Variants in CCT2 observed in about 807,000 individuals in gnomAD.
CCT2 encodes the protein T-complex protein 1 subunit beta.
CCT2 carries 18 observed loss-of-function variants against 61.8 expected under a neutral mutation model. The observed-to-expected ratio is 0.29, with a 90% confidence interval of 0.20 to 0.43. The LOEUF (loss-of-function observed/expected upper bound fraction) is 0.43, where lower values mean the gene tolerates loss of function less well. Among genes scored for constraint, CCT2 ranks in the 20% least tolerant of loss-of-function variants. The pLI, the probability that CCT2 is intolerant of heterozygous loss-of-function variation, is 1.00. For missense variants in CCT2, 556 were observed against 656.9 expected, an observed-to-expected ratio of 0.85 and a Z score of 1.68; for synonymous variants, 248 against 215.9, an observed-to-expected ratio of 1.15 and a Z score of -1.30.
chr12:69,589,696 G>C lies in CCT2; in HGVS notation c.649+9G>C, dbSNP rs1407250640. The stretch of plus-strand genomic sequence containing the variant: ...TTCCTATTTAGATGAAGGTATGTAT[G>C]AATGTCAGATACAAGAAGCTTTGAT... On this transcript the variant is annotated intron_variant, in intron 7 of 15. Coordinates refer to ENST00000299300, the MANE Select transcript of CCT2 (RefSeq NM_006431.3). 2 of 1,601,742 alleles carry C rather than the reference G, an allele frequency of 1.2e-6. No individual in the cohort carries two copies. Among genetic ancestry groups the C allele is most frequent in the African/African-American group, 2.7e-5 (2 of 74,706 alleles).
chr12:69,588,091 A>G, intron 5 of CCT2, 59 bp from the exon 6 acceptor site: 1 of 1,531,216 alleles, frequency 6.5e-7, no homozygotes, highest in Non-Finnish European at 9.0e-7. Flanking sequence ...TGTCTTTACT[A>G]TTGAGGAGTG....
chr12:69,590,093 T>C (rs1438305526), intron 7 of CCT2, among the ~76,000 whole-genome samples: 1 of 152,256 alleles, frequency 6.6e-6, no homozygotes, highest in African/African-American at 2.4e-5. Flanking sequence ...GTTTGAATTA[T>C]GTAGGTTCAC....
chr12:69,591,862 C>T (rs922591374), intron 7 of CCT2, among the ~76,000 whole-genome samples, 197 bp from the exon 8 acceptor site: 1 of 148,624 alleles, frequency 6.7e-6, no homozygotes, highest in Non-Finnish European at 1.5e-5. Flanking sequence ...CTTTCAGGCG[C>T]TAAAAGCCTA....
chr12:69,586,416 CCAGT>C, intron 2 of CCT2, 72 bp downstream of exon 2: 1 of 1,113,044 alleles, frequency 9.0e-7, no homozygotes, highest in Non-Finnish European at 1.4e-6. Flanking sequence ...TCCTGTAATC[CCAGT>C]ACTTTGGGAG....
intron 6 of CCT2, 72 bp downstream of exon 6, chr12:69,588,334 A>G (rs1247043970): frequency 7.3e-6 from 8 of 1,095,216 alleles, no homozygotes; most frequent in Middle Eastern, 2.0e-4. Context: ...CAAGAAATCT[A>G]TAGGACACTG....
rs1276593679 is a variant in CCT2 at position 69,589,524 on chromosome 12, T to C, written c.486T>C (p.Ile162=). ...EVKFRQDLMN[I]AGTTLSSKLL... ...AATTCCGTCAAGATTTAATGAATAT[T>C]GCGGGCACAACATTATCCTCAAAAC... The change falls in exon 7 of 16, where the codon ATT becomes ATC. Residue 162 remains isoleucine (I), a synonymous_variant. Transcript: ENST00000299300. 4 of 1,614,172 alleles carry C rather than the reference T, an allele frequency of 2.5e-6. No homozygotes were observed. The highest frequency in any genetic ancestry group is 2.2e-5 in the East Asian group (1 of 44,878).
chr12:69,585,502 G>C lies in CCT2; in HGVS notation c.-20G>C, dbSNP rs1234717017. 2 of 1,565,388 alleles carry C rather than the reference G, an allele frequency of 1.3e-6. No homozygotes were observed. Among genetic ancestry groups the C allele is most frequent in the Admixed American group, 1.9e-5 (1 of 52,832 alleles). ...ACGAGCTGTGAGGGGATTCACTTGT[G>C]TGCGGAACTCCTCGGAACCATGGTG... On this transcript the variant is annotated 5_prime_UTR_variant, in exon 1 of 16. Transcript: ENST00000299300.
chr12:69,586,614 G>A, intron 2 of CCT2, 139 bp from the exon 3 acceptor site: 1 of 695,826 alleles, frequency 1.4e-6, no homozygotes, highest in Non-Finnish European at 2.5e-6. Flanking sequence ...GTTGCAGTGA[G>A]CTGAGATCGC....
chr12:69,589,778 C>A, intron 7 of CCT2, 91 bp downstream of exon 7: 1 of 1,025,554 alleles, frequency 9.8e-7, no homozygotes, highest in Non-Finnish European at 1.5e-6. Context: ...TGACCCTTTA[C>A]AAAGCCAGTG....
intron 1 of CCT2, 85 bp downstream of exon 1, chr12:69,585,609 C>T: frequency 6.5e-7 from 1 of 1,547,694 alleles, no homozygotes; most frequent in Non-Finnish European, 8.7e-7. Flanking sequence ...CTGCTAGGGT[C>T]GTAGGCTCCG....
intron 4 of CCT2, 54 bp downstream of exon 4, chr12:69,587,670 T>C: frequency 2.6e-6 from 3 of 1,144,254 alleles, no homozygotes; most frequent in Non-Finnish European, 3.9e-6. Context: ...GTTAACATTT[T>C]TGAAATAACT....
chr12:69,587,451 G>T, intron 3 of CCT2, 54 bp from the exon 4 acceptor site: 1 of 970,010 alleles, frequency 1.0e-6, no homozygotes, highest in Non-Finnish European at 1.7e-6. Flanking sequence ...ATTGATCCAT[G>T]CATTCTTCAA....
At chr12:69,585,562 T>C (rs938949062) in intron 1 of CCT2, 38 bp downstream of exon 1, 5 of 1,564,504 alleles carry the variant, frequency 3.2e-6, no homozygotes, top group Admixed American at 1.9e-5. Flanking sequence ...CTACCCCTGC[T>C]CCGCCGTGCT....
chr12:69,597,091 G>A, intron 10 of CCT2, 65 bp from the exon 11 acceptor site: 3 of 1,505,370 alleles, frequency 2.0e-6, no homozygotes, highest in Non-Finnish European at 1.8e-6. Context: ...ATCCATTACT[G>A]CTTATTAGAA....
intron 14 of CCT2, among the ~76,000 whole-genome samples, chr12:69,598,964 A>T (rs1882073355): frequency 2.6e-5 from 4 of 152,190 alleles, no homozygotes; most frequent in Admixed American, 2.6e-4. Flanking sequence ...AAAATGAAGC[A>T]GGATTCTCAC....
intron 10 of CCT2, among the ~76,000 whole-genome samples, chr12:69,595,321 A>G (rs1354575578): frequency 6.6e-6 from 1 of 152,130 alleles, no homozygotes; most frequent in African/African-American, 2.4e-5. Context: ...TGCGTACTTG[A>G]TGCTTTAAGG....
In CCT2 at chr12:69,597,637, G is replaced by A; in HGVS notation, c.1103-1G>A. On this transcript the variant is annotated splice_acceptor_variant, in intron 11 of 15. Coordinates refer to ENST00000299300, the MANE Select transcript of CCT2 (RefSeq NM_006431.3). LOFTEE classifies it high-confidence loss of function. ...GTGGTCACTGTGTCTTTTAATTTTAGGTGAGGCTTGTACCATTGTTTTGCG... is the reference window on the plus strand; with the variant it reads ...GTGGTCACTGTGTCTTTTAATTTTAAGTGAGGCTTGTACCATTGTTTTGCG... 1 of 1,609,634 alleles carries A rather than the reference G, an allele frequency of 6.2e-7. No individual in the cohort carries two copies. The highest frequency in any genetic ancestry group is 1.1e-5 in the South Asian group (1 of 89,608).
chr12:69,600,663 C>CG (rs1052765488), intron 15 of CCT2, among the ~76,000 whole-genome samples: 1 of 151,990 alleles, frequency 6.6e-6, no homozygotes, highest in Non-Finnish European at 1.5e-5. Context: ...CCTAGTCCCC[C>CG]CATAAGCTAC....
rs76874811 is a variant in CCT2 at position 69,597,842 on chromosome 12, T to A, written c.1231+76T>A. On this transcript the variant is annotated intron_variant, in intron 12 of 15. Coordinates refer to ENST00000299300, the MANE Select transcript of CCT2 (RefSeq NM_006431.3). ...ATAAGTCATAAGTGGTTTTAATGGTTCTTACAGAAATCTTATATTGCTTTT... is the reference window on the plus strand; with the variant it reads ...ATAAGTCATAAGTGGTTTTAATGGTACTTACAGAAATCTTATATTGCTTTT... The A allele has an allele frequency of 2.7e-4, 402 of 1,474,570 alleles. 4 individuals carry two copies. In the East Asian group the frequency reaches 9.0e-3, roughly 33 times the overall value. 91.3% of individuals were successfully genotyped at this position (1,474,570 alleles called of 1,614,324 possible).
Sources: allele counts gnomAD v4.1 joint callset (sites outside exome capture counted in the v4.1 genomes callset), GRCh38; gene constraint gnomAD v4.1.1; transcripts MANE v1.5; gene names NCBI Gene and HGNC (gene_info 2026-07-23, HGNC 2026-07-21).